MB21D2: variants seen among roughly 807,000 people sequenced by gnomAD.
MB21D2 encodes nucleotidyltransferase MB21D2.
A neutral mutation model predicts 33.3 loss-of-function variants in MB21D2; 9 were observed. The observed-to-expected ratio is 0.27, with a 90% confidence interval of 0.16 to 0.47. The LOEUF is 0.47. Ranked by LOEUF, MB21D2 falls within the 20% of genes least tolerant of loss-of-function variation. The pLI, the probability that MB21D2 is intolerant of heterozygous loss-of-function variation, is 0.99. For synonymous variants in MB21D2, 241 were observed against 236.3 expected, an observed-to-expected ratio of 1.02 and a Z score of -0.18; for missense variants, 540 against 624.6, an observed-to-expected ratio of 0.86 and a Z score of 1.44.
intron 1 of MB21D2, among the ~76,000 whole-genome samples, chr3:192,828,026 G>A (rs777848269): frequency 6.6e-5 from 10 of 152,002 alleles, no homozygotes; most frequent in Non-Finnish European, 1.5e-4. Context: ...CCTTTCGCTT[G>A]GCTCTCATTC....
chr3:192,910,426 C>T (rs1034598623), intron 1 of MB21D2, among the ~76,000 whole-genome samples: 2 of 151,898 alleles, frequency 1.3e-5, no homozygotes, highest in Non-Finnish European at 2.9e-5. Flanking sequence ...TACAGTGAGC[C>T]GTGATGGCAT....
intron 1 of MB21D2, among the ~76,000 whole-genome samples, chr3:192,872,373 G>A (rs973524415): frequency 2.6e-5 from 4 of 152,028 alleles, no homozygotes; most frequent in Admixed American, 6.6e-5. Context: ...TCAGGAGATC[G>A]AGACCATCAT....
intron 1 of MB21D2, among the ~76,000 whole-genome samples, chr3:192,877,826 C>T (rs761338898): frequency 2.6e-5 from 4 of 152,104 alleles, no homozygotes; most frequent in Non-Finnish European, 5.9e-5. Context: ...ATGTGCTCTG[C>T]GCATCTCTGT....
chr3:192,805,757 G>C (rs1256991200), intron 1 of MB21D2, among the ~76,000 whole-genome samples: 5 of 152,146 alleles, frequency 3.3e-5, no homozygotes, highest in African/African-American at 4.8e-5. Flanking sequence ...TGAAAAGTAA[G>C]TAAACGCATA....
chr3:192,812,250 G>A (rs1711805217), intron 1 of MB21D2, among the ~76,000 whole-genome samples: 1 of 152,102 alleles, frequency 6.6e-6, no homozygotes, highest in Non-Finnish European at 1.5e-5. Flanking sequence ...GTTTCACCAT[G>A]TTGGTCAGGC....
At chr3:192,812,315 C>T (rs1711806318) in intron 1 of MB21D2, among the ~76,000 whole-genome samples, 1 of 149,466 alleles carries the variant, frequency 6.7e-6, no homozygotes. Flanking sequence ...GGATTACAGG[C>T]GTGAGCCACC....
intron 1 of MB21D2, among the ~76,000 whole-genome samples, chr3:192,843,054 G>C (rs1238865324): frequency 6.6e-6 from 1 of 152,160 alleles, no homozygotes; most frequent in Non-Finnish European, 1.5e-5. Context: ...GAATGCATGG[G>C]AGGTCTTTTA....
At chr3:192,872,273 A>G (rs932927831) in intron 1 of MB21D2, among the ~76,000 whole-genome samples, 1 of 152,178 alleles carries the variant, frequency 6.6e-6, no homozygotes, top group Non-Finnish European at 1.5e-5. Flanking sequence ...CCTAGGGTCT[A>G]AGGATCAAAA....
intron 1 of MB21D2, among the ~76,000 whole-genome samples, chr3:192,805,613 C>T (rs541836534): frequency 2.6e-5 from 4 of 152,252 alleles, no homozygotes; most frequent in East Asian, 1.9e-4. Flanking sequence ...CTGATATGTA[C>T]GCAAGAACAC....
At chr3:192,916,373 T>G (rs1467163026) in intron 1 of MB21D2, among the ~76,000 whole-genome samples, 1 of 152,048 alleles carries the variant, frequency 6.6e-6, no homozygotes, top group South Asian at 2.1e-4. Context: ...TATCCCAGGA[T>G]AGAAGCAGCA....
At chr3:192,905,917 C>T in intron 1 of MB21D2, among the ~76,000 whole-genome samples, 1 of 152,196 alleles carries the variant, frequency 6.6e-6, no homozygotes, top group East Asian at 1.9e-4. Flanking sequence ...GAGTTTGATC[C>T]CACCTCAACC....
chr3:192,888,138 G>C (rs1713774818), intron 1 of MB21D2, among the ~76,000 whole-genome samples: 1 of 152,062 alleles, frequency 6.6e-6, no homozygotes, highest in African/African-American at 2.4e-5. Context: ...TATCCACTTA[G>C]TGAGAACCTC....
At chr3:192,855,802 G>A (rs78035536) in intron 1 of MB21D2, among the ~76,000 whole-genome samples, 9,278 of 152,288 alleles carry the variant, frequency 0.061, 938 homozygotes, top group African/African-American at 0.21. Flanking sequence ...TCTGGGCATG[G>A]TGGCTCATGC....
chr3:192,912,595 C>A (rs1448659836), intron 1 of MB21D2, among the ~76,000 whole-genome samples: 2 of 152,100 alleles, frequency 1.3e-5, no homozygotes, highest in Admixed American at 1.3e-4. Flanking sequence ...ATCACTTGAA[C>A]CCAGGAGGCA....
At chr3:192,840,183 G>A (rs147495568) in intron 1 of MB21D2, among the ~76,000 whole-genome samples, 1 of 152,104 alleles carries the variant, frequency 6.6e-6, no homozygotes, top group South Asian at 2.1e-4. Context: ...TCATGAGAGG[G>A]AACACAAAAA....
At chr3:192,891,042 G>A (rs1302865535) in intron 1 of MB21D2, among the ~76,000 whole-genome samples, 1 of 152,120 alleles carries the variant, frequency 6.6e-6, no homozygotes, top group African/African-American at 2.4e-5. Flanking sequence ...GGAATACCAC[G>A]CAGGGGGAGA....
chr3:192,844,855 C>A (rs1177746983), intron 1 of MB21D2, among the ~76,000 whole-genome samples: 4 of 152,212 alleles, frequency 2.6e-5, no homozygotes, highest in Non-Finnish European at 5.9e-5. Context: ...AAGCCAAGAG[C>A]CCCCCTTTGA....
chr3:192,884,518 C>G (rs555462325), intron 1 of MB21D2, among the ~76,000 whole-genome samples: 5 of 135,866 alleles, frequency 3.7e-5, no homozygotes, highest in Non-Finnish European at 8.0e-5. Context: ...AGGCGCCCGC[C>G]ACCACGCCCG....
chr3:192,814,950 C>A (rs1464460848), intron 1 of MB21D2, among the ~76,000 whole-genome samples: 1 of 152,060 alleles, frequency 6.6e-6, no homozygotes, highest in Admixed American at 6.5e-5. Flanking sequence ...GAGATGGCTT[C>A]TTTCATCTAC....
Sources: allele counts gnomAD v4.1 joint callset (sites outside exome capture counted in the v4.1 genomes callset), GRCh38; gene constraint gnomAD v4.1.1; transcripts MANE v1.5; gene names NCBI Gene and HGNC (gene_info 2026-07-23, HGNC 2026-07-21).